GSE1: variants seen among roughly 807,000 people sequenced by gnomAD.
GSE1 encodes the protein genetic suppressor element 1.
Under a neutral mutation model 112.6 loss-of-function variants are expected in GSE1, and 32 were observed. The observed-to-expected ratio is 0.28, with a 90% CI of 0.21 to 0.38. GSE1 has a LOEUF of 0.38. Ranked by LOEUF, GSE1 falls within the 10% of genes least tolerant of loss-of-function variation. The probability of loss-of-function intolerance (pLI) is 1.00; values close to 1 mark genes in which losing one functional copy is unlikely to be tolerated. For synonymous variants in GSE1, 1,115 were observed against 735.6 expected (o/e 1.52, Z -8.35); for missense variants, 2,348 against 1,699.2 (o/e 1.38, Z -6.71).
chr16:85,662,434 G>A (rs2052513303), intron 9 of GSE1: 1 of 153,628 alleles, frequency 6.5e-6, no homozygotes, highest in Non-Finnish European at 1.4e-5. Context: ...CTGGGGCACA[G>A]GCGGTCTTCC....
chr16:85,399,435 A>G (rs1274211155), intron 2 of GSE1, among the ~76,000 whole-genome samples: 1 of 152,172 alleles, frequency 6.6e-6, no homozygotes, highest in Non-Finnish European at 1.5e-5. Flanking sequence ...AGAAAGAATA[A>G]TACAGCCAGC....
chr16:85,539,538 A>G (rs965121460), intron 2 of GSE1, among the ~76,000 whole-genome samples: 1 of 152,214 alleles, frequency 6.6e-6, no homozygotes, highest in Non-Finnish European at 1.5e-5. Flanking sequence ...ACTCGAAATT[A>G]TAACGGTGGG....
chr16:85,309,616 A>G (rs1035923640), intron 1 of GSE1, among the ~76,000 whole-genome samples: 11 of 152,354 alleles, frequency 7.2e-5, no homozygotes, highest in African/African-American at 2.6e-4. Context: ...CACCCCCCGG[A>G]TCTGGCCGGG....
intron 1 of GSE1, among the ~76,000 whole-genome samples, chr16:85,331,489 A>G (rs867537562): frequency 2.8e-4 from 32 of 114,510 alleles, no homozygotes; most frequent in South Asian, 1.8e-3. Context: ...ATGTGTATAT[A>G]TGTGTATATG....
chr16:85,656,303 C>A (rs759885943), intron 6 of GSE1, 40 bp from the exon 7 acceptor site: 1 of 1,602,582 alleles, frequency 6.2e-7, no homozygotes, highest in Non-Finnish European at 8.5e-7. Context: ...TCTCTTGTTC[C>A]TGGTGCAGCA....
At chr16:85,187,755 C>T (rs183389533) in intron 1 of GSE1, among the ~76,000 whole-genome samples, 3 of 152,302 alleles carry the variant, frequency 2.0e-5, no homozygotes, top group Non-Finnish European at 2.9e-5. Context: ...GGCTTGGGAC[C>T]GACCTCACAG....
chr16:85,620,932 G>A (rs770022840), intron 1 of GSE1, among the ~76,000 whole-genome samples: 6 of 151,646 alleles, frequency 4.0e-5, no homozygotes, highest in Admixed American at 1.3e-4. Context: ...CGTGTAGATG[G>A]TCTCGGCCAT....
intron 2 of GSE1, among the ~76,000 whole-genome samples, chr16:85,548,020 T>C (rs1344951851): frequency 6.6e-6 from 1 of 151,218 alleles, no homozygotes; most frequent in East Asian, 1.9e-4. Flanking sequence ...GAGGTCAGGA[T>C]ATCGAGACCA....
At chr16:85,539,207 A>G (rs77000252) in intron 2 of GSE1, among the ~76,000 whole-genome samples, 3,121 of 152,290 alleles carry the variant, frequency 0.02, 41 homozygotes, top group Non-Finnish European at 0.031. Flanking sequence ...TGAACAACAA[A>G]TGCAAAAAGC....
intron 2 of GSE1, among the ~76,000 whole-genome samples, chr16:85,508,132 C>T (rs141188077): frequency 2.8e-4 from 42 of 152,322 alleles, no homozygotes; most frequent in African/African-American, 9.1e-4. Context: ...TCCTCGGGTT[C>T]AAGTGATTCT....
intron 1 of GSE1, among the ~76,000 whole-genome samples, chr16:85,571,828 G>A (rs2045994447): frequency 6.6e-6 from 1 of 152,192 alleles, no homozygotes; most frequent in Non-Finnish European, 1.5e-5. Context: ...CTGGCAGCAA[G>A]GGACATGTTT....
intron 2 of GSE1, among the ~76,000 whole-genome samples, chr16:85,460,188 G>C (rs1175918689): frequency 4.6e-5 from 7 of 152,208 alleles, no homozygotes; most frequent in Non-Finnish European, 1.0e-4. Flanking sequence ...GTGTGTTCAA[G>C]GTCAAACGGG....
intron 1 of GSE1, among the ~76,000 whole-genome samples, chr16:85,298,017 T>C (rs1272328938): frequency 1.3e-5 from 2 of 152,194 alleles, no homozygotes; most frequent in South Asian, 2.1e-4. Flanking sequence ...GTGAAGACAG[T>C]TGGAACAGAT....
At chr16:85,550,560 A>G (rs926806529) in intron 2 of GSE1, among the ~76,000 whole-genome samples, 5 of 151,714 alleles carry the variant, frequency 3.3e-5, no homozygotes, top group Non-Finnish European at 4.4e-5. Context: ...TTTGGGGAGC[A>G]GTGCCTCTCT....
At chr16:85,404,860 C>T (rs1567741081) in intron 2 of GSE1, among the ~76,000 whole-genome samples, 1 of 44,902 alleles carries the variant, frequency 2.2e-5, no homozygotes, top group Non-Finnish European at 4.4e-5. Flanking sequence ...CTCTCAGGCC[C>T]CCCTGGATAA....
At chr16:85,478,898 T>TCTTTCTTTCTTTCTTTC (rs2050565379) in intron 2 of GSE1, among the ~76,000 whole-genome samples, 2 of 78,804 alleles carry the variant, frequency 2.5e-5, no homozygotes, top group Admixed American at 1.5e-4. Context: ...TTTCTTTCTT[T>TCTTTCTTTCTTTCTTTC]CTTTCTTTCT....
intron 2 of GSE1, among the ~76,000 whole-genome samples, chr16:85,519,289 A>T (rs892828332): frequency 2.1e-4 from 27 of 128,456 alleles, no homozygotes; most frequent in African/African-American, 6.5e-4. Context: ...CATCACCACC[A>T]CCATCACCGG....
upstream of GSE1, among the ~76,000 whole-genome samples, chr16:85,612,703 G>A (rs1181781621): frequency 6.6e-6 from 1 of 151,694 alleles, no homozygotes; most frequent in Non-Finnish European, 1.5e-5. Flanking sequence ...CAGGCATGGG[G>A]GGGGTGGGGC....
chr16:85,663,754 C>A, intron 11 of GSE1, 140 bp downstream of exon 11: 1 of 810,096 alleles, frequency 1.2e-6, no homozygotes, highest in Non-Finnish European at 2.0e-6. Flanking sequence ...TCCCGGCTCC[C>A]GGGAACAGCC....
Sources: allele counts gnomAD v4.1 joint callset (sites outside exome capture counted in the v4.1 genomes callset), GRCh38; gene constraint gnomAD v4.1.1; transcripts MANE v1.5; gene names NCBI Gene and HGNC (gene_info 2026-07-23, HGNC 2026-07-21).